The following FRMD4A variants were observed in gnomAD, a reference collection of about 807,000 sequenced individuals.
The protein encoded by FRMD4A is FERM domain containing 4A, also known as FERM domain-containing protein 4A.
A neutral mutation model predicts 129.1 loss-of-function variants in FRMD4A; 29 were observed. The ratio of observed to expected loss-of-function variants is 0.22; its 90% CI spans 0.17 to 0.31. The LOEUF (loss-of-function observed/expected upper bound fraction) is 0.31. FRMD4A is among the 10% of genes least tolerant of loss of function. The pLI is 1.00. For synonymous variants in FRMD4A, 634 were observed against 571.6 expected (o/e 1.11, Z -1.56); for missense variants, 1,272 against 1,375.8 (o/e 0.92, Z 1.19).
At chr10:14,220,783 CGTGTGTGTGT>C (rs71388166) in intron 2 of FRMD4A, among the ~76,000 whole-genome samples, 1 of 141,654 alleles carries the variant, frequency 7.1e-6, no homozygotes, top group African/African-American at 2.6e-5. Flanking sequence ...GGCTGAGTTG[CGTGTGTGTGT>C]GTGTGTGTGT....
chr10:13,898,552 C>G (rs780348255), intron 2 of FRMD4A, among the ~76,000 whole-genome samples: 16 of 152,118 alleles, frequency 1.1e-4, no homozygotes, highest in Non-Finnish European at 2.2e-4. Context: ...AGTGATGGAG[C>G]AAAAATTCTG....
intron 2 of FRMD4A, among the ~76,000 whole-genome samples, chr10:13,963,269 CTTTTTT>C (rs142764391): frequency 2.6e-5 from 3 of 116,788 alleles, no homozygotes; most frequent in African/African-American, 9.7e-5. Context: ...GTGCAAGCCT[CTTTTTT>C]TTTTTTTTTT....
At chr10:14,215,974 C>A (rs1044787978) in intron 2 of FRMD4A, among the ~76,000 whole-genome samples, 1 of 151,988 alleles carries the variant, frequency 6.6e-6, no homozygotes, top group South Asian at 2.1e-4. Flanking sequence ...AAAAAAACCA[C>A]GTTGTTTTCC....
chr10:13,816,165 A>T (rs1011000867), intron 3 of FRMD4A, among the ~76,000 whole-genome samples: 3 of 152,244 alleles, frequency 2.0e-5, no homozygotes, highest in African/African-American at 7.2e-5. Flanking sequence ...GACCATATGT[A>T]TCAATTTCCA....
At chr10:13,729,161 CTG>C (rs1488935957) in intron 12 of FRMD4A, among the ~76,000 whole-genome samples, 1 of 36,304 alleles carries the variant, frequency 2.8e-5, no homozygotes, top group Non-Finnish European at 7.7e-5. Context: ...TCCACTCAGA[CTG>C]TGCTGCGATC....
At chr10:14,009,157 G>A (rs1455185151) in intron 2 of FRMD4A, among the ~76,000 whole-genome samples, 1 of 152,162 alleles carries the variant, frequency 6.6e-6, no homozygotes, top group Non-Finnish European at 1.5e-5. Flanking sequence ...TTCTTTGATG[G>A]ATGGCATAAA....
intron 22 of FRMD4A, among the ~76,000 whole-genome samples, chr10:13,656,304 G>A (rs992664371): frequency 2.0e-5 from 3 of 152,178 alleles, no homozygotes; most frequent in Non-Finnish European, 4.4e-5. Context: ...ACCTTTGGTT[G>A]GATAAACCCA....
chr10:13,974,035 T>C (rs2095531621), intron 2 of FRMD4A, among the ~76,000 whole-genome samples: 1 of 134,260 alleles, frequency 7.4e-6, no homozygotes, highest in Non-Finnish European at 1.6e-5. Flanking sequence ...TTTTTTTTTT[T>C]TTTTCTTTCT....
At chr10:14,089,646 A>AC (rs1554754976) in intron 2 of FRMD4A, among the ~76,000 whole-genome samples, 3 of 151,186 alleles carry the variant, frequency 2.0e-5, no homozygotes, top group Middle Eastern at 3.5e-3. Context: ...AAAACAAACA[A>AC]AAAAAAAACA....
chr10:14,221,751 C>T (rs1843269254), intron 2 of FRMD4A, among the ~76,000 whole-genome samples: 1 of 151,486 alleles, frequency 6.6e-6, no homozygotes, highest in Admixed American at 6.6e-5. Context: ...GATGGGGTCT[C>T]ACTATGTTGC....
chr10:14,147,730 T>C (rs1840146540), intron 2 of FRMD4A, among the ~76,000 whole-genome samples: 3 of 152,076 alleles, frequency 2.0e-5, no homozygotes, highest in Admixed American at 6.5e-5. Context: ...TAATGTTCCC[T>C]TGCCCGCCAC....
intron 17 of FRMD4A, among the ~76,000 whole-genome samples, chr10:13,668,877 G>A (rs951593700): frequency 3.3e-5 from 5 of 152,050 alleles, no homozygotes; most frequent in Admixed American, 2.0e-4. Context: ...TGCCTACGGT[G>A]TGGCACCCCT....
chr10:14,095,235 T>C (rs187734226), intron 2 of FRMD4A, among the ~76,000 whole-genome samples: 4 of 152,322 alleles, frequency 2.6e-5, no homozygotes, highest in Admixed American at 2.0e-4. Context: ...GCCATTCAGC[T>C]CATGACACTT....
intron 2 of FRMD4A, among the ~76,000 whole-genome samples, chr10:14,039,455 A>AATCTATCT (rs71388152): frequency 8.2e-4 from 53 of 64,666 alleles, no homozygotes; most frequent in East Asian, 1.4e-3. Context: ...AAAATCAATC[A>AATCTATCT]ATCTATCTAT....
intron 2 of FRMD4A, among the ~76,000 whole-genome samples, chr10:14,037,541 T>C (rs1308955514): frequency 6.6e-6 from 1 of 152,246 alleles, no homozygotes; most frequent in Admixed American, 6.5e-5. Flanking sequence ...CAGTCTTCTA[T>C]TGATGGATAT....
At chr10:13,757,417 A>G (rs768121167) in intron 8 of FRMD4A, among the ~76,000 whole-genome samples, 4 of 152,218 alleles carry the variant, frequency 2.6e-5, no homozygotes, top group Non-Finnish European at 4.4e-5. Flanking sequence ...TTTGTCCTCC[A>G]TTTGGTAGAA....
Position 13,656,923 on chromosome 10 carries a change from TCGC to T in FRMD4A, c.2663_2665del (p.Gly888del), listed in dbSNP as rs536647518. 101 of 1,496,254 alleles carry T rather than the reference TCGC, an allele frequency of 6.8e-5. No individual in the cohort carries two copies. Among genetic ancestry groups the T allele is most frequent in the Admixed American group, 1.3e-4 (6 of 46,506 alleles). 92.7% of individuals were successfully genotyped at this position (1,496,254 alleles called of 1,614,324 possible). A position where few individuals can be genotyped will look rare whatever the true frequency, so the allele number is the denominator to read the frequency against. On this transcript the variant is annotated inframe_deletion, in exon 22 of 25. Coordinates refer to ENST00000357447, the MANE Select transcript of FRMD4A (RefSeq NM_018027.5). ...CGTCAGGCGGCCCGTGTCGCCCTCG[TCGC>T]CGCCGCCGCCGCGCCAGCTCTCCTT...
intron 2 of FRMD4A, among the ~76,000 whole-genome samples, chr10:14,019,619 T>C (rs978914836): frequency 6.6e-6 from 1 of 152,222 alleles, no homozygotes; most frequent in Non-Finnish European, 1.5e-5. Flanking sequence ...TTTCAAATGT[T>C]ATGAATATTG....
At chr10:13,881,215 A>C (rs1238953578) in intron 2 of FRMD4A, among the ~76,000 whole-genome samples, 1 of 149,972 alleles carries the variant, frequency 6.7e-6, no homozygotes, top group Non-Finnish European at 1.5e-5. Context: ...GTCAGAGTTC[A>C]AGACCAGCCA....
Sources: gnomAD v4.1 joint callset for allele counts (sites outside exome capture counted in the v4.1 genomes callset) on GRCh38, gnomAD v4.1.1 for gene constraint, MANE v1.5 for transcripts, NCBI Gene and HGNC (gene_info 2026-07-23, HGNC 2026-07-21) for gene names.